The following GPC5 variants were observed in gnomAD, a reference collection of about 807,000 sequenced individuals.
GPC5 encodes the protein glypican-5.
Under a neutral mutation model 53.9 loss-of-function variants are expected in GPC5, and 47 were observed. That is an observed-to-expected ratio of 0.87 (90% CI 0.69 to 1.11). The LOEUF (loss-of-function observed/expected upper bound fraction) is 1.11. Among genes scored for constraint, GPC5 ranks in the 50% most tolerant of loss-of-function variants. The pLI, the probability that GPC5 is intolerant of heterozygous loss-of-function variation, is 0.00. For synonymous variants in GPC5, 286 were observed against 263.3 expected, an observed-to-expected ratio of 1.09 and a Z score of -0.84; for missense variants, 748 against 713.1, an observed-to-expected ratio of 1.05 and a Z score of -0.56.
chr13:91,575,509 A>G (rs1164077582), intron 2 of GPC5, among the ~76,000 whole-genome samples: 2 of 152,036 alleles, frequency 1.3e-5, no homozygotes, highest in Non-Finnish European at 2.9e-5. Context: ...TATACAAGAA[A>G]GTATTACCCT....
intron 2 of GPC5, among the ~76,000 whole-genome samples, chr13:91,501,024 A>C (rs1476541507): frequency 2.0e-5 from 3 of 149,818 alleles, no homozygotes; most frequent in African/African-American, 5.0e-5. Context: ...CCCCAGCCAC[A>C]TGGAACTGTG....
At chr13:92,394,836 G>C (rs546095509) in intron 7 of GPC5, among the ~76,000 whole-genome samples, 2 of 152,122 alleles carry the variant, frequency 1.3e-5, no homozygotes, top group South Asian at 2.1e-4. Flanking sequence ...AATAGTGTTA[G>C]TTTATGGATA....
At chr13:92,812,558 G>GGGCAAA (rs1476897941) in intron 7 of GPC5, among the ~76,000 whole-genome samples, 1 of 151,806 alleles carries the variant, frequency 6.6e-6, no homozygotes, top group Non-Finnish European at 1.5e-5. Context: ...GGGCATTTAT[G>GGGCAAA]AATTTCCCAC....
chr13:91,936,537 A>T (rs2039872890), intron 6 of GPC5, among the ~76,000 whole-genome samples: 2 of 152,104 alleles, frequency 1.3e-5, no homozygotes, highest in Non-Finnish European at 2.9e-5. Context: ...ACGAAAGTAT[A>T]CATATTTGGT....
rs3064652 is a variant in GPC5, at chr13:92,431,390, C to CTT, written c.1561+286416_1561+286417dup. ...TATATGTGAGACATTAAAGACACAG[C>CTT]TTTTTTTTTTTTTTTTAAGCTAAAG... On this transcript the variant is annotated intron_variant, in intron 7 of 7. Coordinates refer to ENST00000377067, the MANE Select transcript of GPC5 (RefSeq NM_004466.6). Among the ~76,000 whole-genome samples, 814 of 137,332 alleles carry CTT rather than the reference C, an allele frequency of 5.9e-3. 12 individuals carry two copies. Among genetic ancestry groups the CTT allele is most frequent in the African/African-American group, 0.016 (594 of 36,900 alleles). The allele number at this position is 137,332 out of a possible 152,430, so 90.1% of individuals were successfully genotyped here.
intron 7 of GPC5, among the ~76,000 whole-genome samples, chr13:92,686,302 T>C (rs1355833095): frequency 3.6e-5 from 1 of 28,028 alleles, no homozygotes; most frequent in Non-Finnish European, 5.7e-5. Context: ...TTTGCATTTC[T>C]CTGACGGCCA....
chr13:91,427,170 C>T (rs1315421631), intron 1 of GPC5, among the ~76,000 whole-genome samples: 1 of 152,218 alleles, frequency 6.6e-6, no homozygotes, highest in Non-Finnish European at 1.5e-5. Context: ...ACAGAGTCTC[C>T]ACTGGGGCAC....
At chr13:91,886,367 C>G (rs560551497) in intron 5 of GPC5, among the ~76,000 whole-genome samples, 14 of 152,238 alleles carry the variant, frequency 9.2e-5, no homozygotes, top group African/African-American at 3.4e-4. Flanking sequence ...ATTATGGGAA[C>G]TATAATTCAA....
intron 7 of GPC5, among the ~76,000 whole-genome samples, chr13:92,787,837 G>A (rs1247958356): frequency 1.0e-4 from 15 of 147,350 alleles, no homozygotes; most frequent in South Asian, 4.3e-4. Flanking sequence ...TGATTGCACC[G>A]CTGTACTCTG....
intron 7 of GPC5, among the ~76,000 whole-genome samples, chr13:92,665,754 T>G (rs555950520): frequency 2.0e-5 from 3 of 152,174 alleles, no homozygotes; most frequent in Admixed American, 6.5e-5. Context: ...ATAAACTATG[T>G]TGTAACACTT....
intron 3 of GPC5, among the ~76,000 whole-genome samples, chr13:91,694,172 AGTCCC>A (rs1055245904): frequency 3.9e-5 from 6 of 152,176 alleles, no homozygotes; most frequent in African/African-American, 1.4e-4. Context: ...AAATTAGGTA[AGTCCC>A]TTTGGCCTCT....
rs536197529 is a variant in GPC5 at position 91,509,289 on chromosome 13, C to T, written c.325+60367C>T. Among the ~76,000 whole-genome samples the T allele has an allele frequency of 4.7e-3, 339 of 72,520 alleles. 1 individual carries two copies. The highest frequency in any genetic ancestry group is 9.8e-3 in the Non-Finnish European group (275 of 27,926). 47.6% of individuals were successfully genotyped at this position (72,520 alleles called of 152,430 possible). On this transcript the variant is annotated intron_variant, in intron 2 of 7. Transcript: ENST00000377067. Reference sequence around the variant, plus strand: ...CATACCAGGTCAAACTACTACATAACTGTTGCAAACAAAAAAAACTTTTGC... The same window carrying T: ...CATACCAGGTCAAACTACTACATAATTGTTGCAAACAAAAAAAACTTTTGC...
intron 7 of GPC5, among the ~76,000 whole-genome samples, chr13:92,330,448 T>C (rs1350513289): frequency 1.3e-5 from 2 of 152,148 alleles, no homozygotes; most frequent in Admixed American, 6.6e-5. Flanking sequence ...TTTCCATGTA[T>C]ATTGTTATCC....
intron 5 of GPC5, among the ~76,000 whole-genome samples, chr13:91,765,623 A>G (rs2037507272): frequency 6.6e-6 from 1 of 152,248 alleles, no homozygotes; most frequent in African/African-American, 2.4e-5. Flanking sequence ...TGGAATCTCA[A>G]ACTGGTAGAA....
Position 92,798,798 on chromosome 13 carries a change from A to G in GPC5, c.1562-67484A>G, listed in dbSNP as rs72642606. Reference sequence around the variant, plus strand: ...TACAGCATATTAAGCAAACAAAAATACCAAACACTCAAAATTGTAAGTCAC... The same window carrying G: ...TACAGCATATTAAGCAAACAAAAATGCCAAACACTCAAAATTGTAAGTCAC... On this transcript the variant is annotated intron_variant, in intron 7 of 7. Coordinates refer to ENST00000377067, the MANE Select transcript of GPC5 (RefSeq NM_004466.6). Among the ~76,000 whole-genome samples the G allele has an allele frequency of 9.7e-3, 1,467 of 151,994 alleles. 17 individuals carry two copies. The highest frequency in any genetic ancestry group is 0.014 in the Non-Finnish European group (965 of 67,874).
At chr13:91,885,341 A>G (rs182020266) in intron 5 of GPC5, among the ~76,000 whole-genome samples, 1 of 152,198 alleles carries the variant, frequency 6.6e-6, no homozygotes, top group Non-Finnish European at 1.5e-5. Context: ...TAAGCCTAAC[A>G]TTTTAGTTTT....
intron 7 of GPC5, among the ~76,000 whole-genome samples, chr13:92,747,593 A>G (rs1889270368): frequency 6.6e-6 from 1 of 152,188 alleles, no homozygotes; most frequent in Non-Finnish European, 1.5e-5. Flanking sequence ...TCATATATTA[A>G]AATGACAAAT....
At chr13:91,606,988 C>T (rs2033390633) in intron 2 of GPC5, among the ~76,000 whole-genome samples, 1 of 151,080 alleles carries the variant, frequency 6.6e-6, no homozygotes, top group South Asian at 2.1e-4. Flanking sequence ...TATTTCTTGC[C>T]TTCTGCTAGC....
intron 6 of GPC5, among the ~76,000 whole-genome samples, chr13:91,919,947 T>G (rs1054139057): frequency 3.9e-5 from 6 of 152,200 alleles, no homozygotes; most frequent in African/African-American, 1.4e-4. Context: ...AATAATTCCA[T>G]GTACTGACTG....
Sources: gnomAD v4.1 joint callset for allele counts (sites outside exome capture counted in the v4.1 genomes callset) on GRCh38, gnomAD v4.1.1 for gene constraint, MANE v1.5 for transcripts, NCBI Gene and HGNC (gene_info 2026-07-23, HGNC 2026-07-21) for gene names.